The following SEC14L1 variants were observed in gnomAD, a reference collection of about 807,000 sequenced individuals.
The protein encoded by SEC14L1 is SEC14 like lipid binding 1, also known as SEC14-like protein 1.
SEC14L1 carries 48 observed loss-of-function variants against 85.3 expected under a neutral mutation model. The ratio of observed to expected loss-of-function variants is 0.56; its 90% CI spans 0.45 to 0.72. The LOEUF (loss-of-function observed/expected upper bound fraction) is 0.72, where lower values mean the gene tolerates loss of function less well. SEC14L1 is among the 30% of genes least tolerant of loss of function. The probability of loss-of-function intolerance (pLI) is 0.00; values close to 1 mark genes in which losing one functional copy is unlikely to be tolerated. For synonymous variants in SEC14L1, 391 were observed against 355.5 expected, an observed-to-expected ratio of 1.10 and a Z score of -1.12; for missense variants, 682 against 921.4, an observed-to-expected ratio of 0.74 and a Z score of 3.36.
chr17:77,176,126 C>T (rs1974742709), intron 3 of SEC14L1, among the ~76,000 whole-genome samples: 1 of 151,968 alleles, frequency 6.6e-6, no homozygotes, highest in Non-Finnish European at 1.5e-5. Flanking sequence ...CCTGTCTCTA[C>T]TAAAAAGGCA....
chr17:77,117,807 C>T (rs899196240), intron 3 of SEC14L1, among the ~76,000 whole-genome samples: 2 of 152,228 alleles, frequency 1.3e-5, no homozygotes, highest in Non-Finnish European at 2.9e-5. Flanking sequence ...GTTCCCACCA[C>T]TTTAAGGGAG....
At chr17:77,192,832 T>C (rs535543054) in intron 5 of SEC14L1, among the ~76,000 whole-genome samples, 2 of 152,222 alleles carry the variant, frequency 1.3e-5, no homozygotes, top group Admixed American at 1.3e-4. Flanking sequence ...GGCTAGTTTT[T>C]AAATTTTTTT....
intron 3 of SEC14L1, among the ~76,000 whole-genome samples, chr17:77,166,928 G>A (rs182637441): frequency 4.6e-5 from 7 of 152,272 alleles, no homozygotes; most frequent in African/African-American, 1.2e-4. Context: ...GGGTGCATGC[G>A]TACTAGGCTC....
In SEC14L1 at chr17:77,214,109, T is replaced by C; in HGVS notation, c.*86T>C. 2.0e-6 allele frequency: 3 copies of C among 1,536,664 alleles called. No individual in the cohort carries two copies. In the South Asian group the frequency reaches 3.8e-5, roughly 19 times the overall value. ...TGCACCCGCCCACCCAGCGGCGACA[T>C]TGTACAGACTCCTCTCACCTCTAGA... On this transcript the variant is annotated 3_prime_UTR_variant, in exon 17 of 17. Coordinates refer to ENST00000436233, the MANE Select transcript of SEC14L1 (RefSeq NM_001143998.2).
chr17:77,200,501 T>C lies in SEC14L1; in HGVS notation c.837T>C (p.His279=). The C allele has an allele frequency of 6.2e-7, 1 of 1,613,208 alleles. No homozygotes were observed. Among genetic ancestry groups the C allele is most frequent in the South Asian group, 1.1e-5 (1 of 90,846 alleles). The change falls in exon 9 of 17, where the codon CAT becomes CAC. Residue 279 remains histidine (H), a synonymous_variant. Coordinates refer to ENST00000436233, the MANE Select transcript of SEC14L1 (RefSeq NM_001143998.2). ...THKGKIPKDE[H]ILRFLRARDF... is the part of the protein sequence containing the mutation. ...CTTAATAGATTCCAAAAGATGAGCA[T>C]ATTCTTCGGTTCCTCCGTGCACGGG...
At chr17:77,175,133 A>C (rs1217883632) in intron 3 of SEC14L1, among the ~76,000 whole-genome samples, 1 of 152,234 alleles carries the variant, frequency 6.6e-6, no homozygotes, top group Non-Finnish European at 1.5e-5. Flanking sequence ...AGAGAGTATA[A>C]GGAGGTTGGG....
rs1452299295 is a variant in SEC14L1, at chr17:77,202,928, T to TA, written c.1010-635dup. On this transcript the variant is annotated intron_variant, in intron 9 of 16. Transcript: ENST00000436233. ...GGAGAGACTCTCTCTCTAAAAAAAA[T>TA]AAAAAAATAAAAAAAAAAAAAAAAC... Among the ~76,000 whole-genome samples, 80 of 83,000 alleles carry TA rather than the reference T, an allele frequency of 9.6e-4. No individual in the cohort carries two copies. In the East Asian group the frequency reaches 0.011, roughly 11 times the overall value. The allele number at this position is 83,000 out of a possible 152,430, so 54.5% of individuals were successfully genotyped here. A position where few individuals can be genotyped will look rare whatever the true frequency, so the allele number is the denominator to read the frequency against.
chr17:77,112,349 T>C (rs1972067417), intron 3 of SEC14L1, among the ~76,000 whole-genome samples: 1 of 152,128 alleles, frequency 6.6e-6, no homozygotes, highest in African/African-American at 2.4e-5. Flanking sequence ...CAATCACAGG[T>C]ATATAATAAA....
chr17:77,215,249 A>C lies in SEC14L1; in HGVS notation c.*1226A>C. Reference sequence around the variant, plus strand: ...GATTTTAAAGCCTGCTCTATCTGGTACAGGCCCTTATTTTTTCAGCTTTTT... The same window carrying C: ...GATTTTAAAGCCTGCTCTATCTGGTCCAGGCCCTTATTTTTTCAGCTTTTT... On this transcript the variant is annotated 3_prime_UTR_variant, in exon 17 of 17. Transcript: ENST00000436233. The C allele has an allele frequency of 1.0e-6, 1 of 985,426 alleles. No homozygotes were observed. Among genetic ancestry groups the C allele is most frequent in the Non-Finnish European group, 1.2e-6 (1 of 829,932 alleles). 61.0% of individuals were successfully genotyped at this position (985,426 alleles called of 1,614,324 possible).
At chr17:77,183,880 A>G (rs1598359408) in intron 3 of SEC14L1, among the ~76,000 whole-genome samples, 1 of 151,472 alleles carries the variant, frequency 6.6e-6, no homozygotes, top group Admixed American at 6.6e-5. Context: ...AGACTGTTCC[A>G]TAATTTGGGT....
chr17:77,102,850 G>A (rs1971810631), intron 3 of SEC14L1, among the ~76,000 whole-genome samples: 1 of 152,076 alleles, frequency 6.6e-6, no homozygotes, highest in African/African-American at 2.4e-5. Flanking sequence ...GGCTCAGGCT[G>A]GAGTACAGTG....
At chr17:77,130,675 A>G (rs1972586216) in intron 3 of SEC14L1, among the ~76,000 whole-genome samples, 1 of 152,188 alleles carries the variant, frequency 6.6e-6, no homozygotes, top group African/African-American at 2.4e-5. Flanking sequence ...GCTGAAGTAC[A>G]GTAGCATGAT....
intron 3 of SEC14L1, among the ~76,000 whole-genome samples, chr17:77,148,966 G>A (rs890828320): frequency 3.9e-5 from 6 of 152,164 alleles, no homozygotes; most frequent in South Asian, 2.1e-4. Flanking sequence ...TCTTGTTCCC[G>A]TTGGCCCGGA....
In SEC14L1 at chr17:77,206,630, T is replaced by C; in HGVS notation, c.1342-98T>C. The C allele has an allele frequency of 7.0e-7, 1 of 1,419,800 alleles. No individual in the cohort carries two copies. The highest frequency in any genetic ancestry group is 9.6e-7 in the Non-Finnish European group (1 of 1,039,170). The allele number at this position is 1,419,800 out of a possible 1,614,324, so 88.0% of individuals were successfully genotyped here. On this transcript the variant is annotated intron_variant, in intron 12 of 16. Coordinates refer to ENST00000436233, the MANE Select transcript of SEC14L1 (RefSeq NM_001143998.2). This position sits in a 1 kb window ranked among gnomAD's most constrained non-coding sequence, Gnocchi z 4.3. ...AAGAAGTATATAAACTTGAATGTCT[T>C]CCCCCCACCCTCCCACTCAGAATAC...
chr17:77,098,183 A>T (rs1971692713), intron 3 of SEC14L1, among the ~76,000 whole-genome samples: 1 of 152,076 alleles, frequency 6.6e-6, no homozygotes, highest in Admixed American at 6.6e-5. Flanking sequence ...TTTCCCTCTA[A>T]TGGTAGTTTA....
intron 3 of SEC14L1, among the ~76,000 whole-genome samples, chr17:77,149,057 G>A (rs1433945989): frequency 2.6e-5 from 4 of 151,950 alleles, no homozygotes; most frequent in Non-Finnish European, 5.9e-5. Flanking sequence ...TTCCCCATCT[G>A]TCTCTCCAGA....
At chr17:77,187,804 G>A (rs996587435) in intron 3 of SEC14L1, among the ~76,000 whole-genome samples, 4 of 150,984 alleles carry the variant, frequency 2.6e-5, no homozygotes, top group African/African-American at 9.8e-5. Flanking sequence ...GAGTGCAGTG[G>A]TGCAATCACA....
chr17:77,199,702 T>A (rs551281491), intron 8 of SEC14L1, among the ~76,000 whole-genome samples: 1 of 152,260 alleles, frequency 6.6e-6, no homozygotes, highest in African/African-American at 2.4e-5. Flanking sequence ...GTTGAAGCAT[T>A]TGATGTTTAG....
intron 5 of SEC14L1, among the ~76,000 whole-genome samples, chr17:77,191,702 C>G (rs1176334413): frequency 6.6e-6 from 1 of 152,082 alleles, no homozygotes; most frequent in South Asian, 2.1e-4. Context: ...GCCACCACGC[C>G]AGGCTGATTT....
Sources: gnomAD v4.1 joint callset for allele counts (sites outside exome capture counted in the v4.1 genomes callset) on GRCh38, gnomAD v4.1.1 for gene constraint, Gnocchi (gnomAD v3.1) non-coding constraint, MANE v1.5 for transcripts, NCBI Gene and HGNC (gene_info 2026-07-23, HGNC 2026-07-21) for gene names.